Variants in AAK1 observed in about 807,000 individuals in gnomAD.
AAK1 encodes AP2-associated protein kinase 1.
A neutral mutation model predicts 116.0 loss-of-function variants in AAK1; 37 were observed. That is an observed-to-expected ratio of 0.32 (90% CI 0.25 to 0.42). AAK1 has a LOEUF of 0.42. Among genes scored for constraint, AAK1 ranks in the 10% least tolerant of loss-of-function variants. The probability of loss-of-function intolerance (pLI) is 1.00; values close to 1 mark genes in which losing one functional copy is unlikely to be tolerated. For missense variants in AAK1, 919 were observed against 1,170.6 expected (o/e 0.79, Z 3.14); for synonymous variants, 458 against 439.9 (o/e 1.04, Z -0.51).
intron 2 of AAK1, among the ~76,000 whole-genome samples, chr2:69,627,156 G>A (rs1318231176): frequency 2.6e-5 from 4 of 152,084 alleles, no homozygotes; most frequent in Non-Finnish European, 5.9e-5. Context: ...AGGCGTGGTG[G>A]CGGGCGCCTG....
chr2:69,587,420 T>TAC (rs934509484), intron 2 of AAK1, among the ~76,000 whole-genome samples: 1 of 151,248 alleles, frequency 6.6e-6, no homozygotes, highest in Non-Finnish European at 1.5e-5. Context: ...TGTGTATATA[T>TAC]ACACATATAT....
At position 69,471,884 on chromosome 2, in the gene AAK1, A is replaced by G. The variant is rs1674693939; in HGVS notation, c.*3985T>C. The G allele has an allele frequency of 2.0e-6, 2 of 985,130 alleles. No individual in the cohort carries two copies. The highest frequency in any genetic ancestry group is 2.4e-6 in the Non-Finnish European group (2 of 829,782). 61.0% of individuals were successfully genotyped at this position (985,130 alleles called of 1,614,324 possible). A position where few individuals can be genotyped will look rare whatever the true frequency, so the allele number is the denominator to read the frequency against. On this transcript the variant is annotated 3_prime_UTR_variant, in exon 22 of 22. Transcript: ENST00000409085. ...GGAGAGTAGGAAATAAGTAATCAAA[A>G]CAACCAAAAGTATTAATAATAAAAC...
intron 16 of AAK1, among the ~76,000 whole-genome samples, chr2:69,498,409 T>A (rs1675837580): frequency 6.6e-6 from 1 of 152,038 alleles, no homozygotes; most frequent in South Asian, 2.1e-4. Context: ...AGGAGGATGC[T>A]CTGGGGTCTA....
intron 6 of AAK1, chr2:69,531,491 A>G: frequency 1.3e-6 from 1 of 747,502 alleles, no homozygotes; most frequent in Non-Finnish European, 1.6e-6. Flanking sequence ...AACATTGTGG[A>G]CATGAGGAGA....
intron 10 of AAK1, among the ~76,000 whole-genome samples, chr2:69,524,105 T>C (rs1240415566): frequency 6.6e-6 from 1 of 152,248 alleles, no homozygotes; most frequent in Non-Finnish European, 1.5e-5. Flanking sequence ...GAGAGTCTTC[T>C]GCTGTTCACT....
chr2:69,624,493 GA>G (rs1366112641), intron 2 of AAK1, among the ~76,000 whole-genome samples: 1 of 152,126 alleles, frequency 6.6e-6, no homozygotes, highest in Non-Finnish European at 1.5e-5. Flanking sequence ...TCTTGAAGAA[GA>G]ATATAATATC....
chr2:69,547,749 T>C (rs1456834585), intron 3 of AAK1, among the ~76,000 whole-genome samples: 1 of 152,160 alleles, frequency 6.6e-6, no homozygotes, highest in Non-Finnish European at 1.5e-5. Context: ...ACCCAAGAGA[T>C]GTGAAAATAT....
intron 2 of AAK1, among the ~76,000 whole-genome samples, chr2:69,603,989 C>T (rs1429509401): frequency 2.0e-5 from 3 of 152,174 alleles, no homozygotes; most frequent in Non-Finnish European, 2.9e-5. Flanking sequence ...AGGAAGCATA[C>T]CCACTTCCAG....
Position 69,489,942 on chromosome 2 carries a change from T to C in AAK1, c.2365+6043A>G, listed in dbSNP as rs538636006. ...ACTTCTCAGTATCACGAGACAGCAG[T>C]TGGAAATGAGGAAGAGGCCAGGCCA... On this transcript the variant is annotated intron_variant, in intron 17 of 21. Transcript: ENST00000409085. Among the ~76,000 whole-genome samples the C allele has an allele frequency of 3.9e-5, 6 of 152,226 alleles. No individual in the cohort carries two copies. The South Asian group carries it at 6.2e-4, about 16-fold the overall frequency.
At chr2:69,579,778 C>T (rs1027959546) in intron 2 of AAK1, among the ~76,000 whole-genome samples, 5 of 152,084 alleles carry the variant, frequency 3.3e-5, no homozygotes, top group East Asian at 3.9e-4. Context: ...CCTATAAATG[C>T]GCCCTGGTTG....
At chr2:69,505,465 C>A in intron 16 of AAK1, 104 bp downstream of exon 16, 4 of 751,960 alleles carry the variant, frequency 5.3e-6, no homozygotes, top group Non-Finnish European at 6.6e-6. Context: ...CACGGTACTG[C>A]CAGGATTTGG....
At chr2:69,573,523 G>A (rs567151557) in intron 2 of AAK1, among the ~76,000 whole-genome samples, 28 of 152,304 alleles carry the variant, frequency 1.8e-4, no homozygotes, top group African/African-American at 6.5e-4. Flanking sequence ...TAATCCATAA[G>A]CTGCATCGGC....
At chr2:69,586,903 G>C (rs1672789951) in intron 2 of AAK1, among the ~76,000 whole-genome samples, 1 of 152,086 alleles carries the variant, frequency 6.6e-6, no homozygotes, top group African/African-American at 2.4e-5. Flanking sequence ...CTGCACAGGT[G>C]AGCCTAATAG....
At chr2:69,629,612 T>C (rs1288250450) in intron 2 of AAK1, among the ~76,000 whole-genome samples, 1 of 152,238 alleles carries the variant, frequency 6.6e-6, no homozygotes, top group Non-Finnish European at 1.5e-5. Flanking sequence ...AGATCTATTA[T>C]ACGATTGGAA....
At chr2:69,545,984 C>A (rs1670908542) in intron 3 of AAK1, among the ~76,000 whole-genome samples, 2 of 151,818 alleles carry the variant, frequency 1.3e-5, no homozygotes, top group African/African-American at 4.8e-5. Flanking sequence ...GAGGAAGGAG[C>A]CAAGAGAAGA....
At chr2:69,586,581 G>T (rs10865378) in intron 2 of AAK1, among the ~76,000 whole-genome samples, 81,124 of 152,026 alleles carry the variant, frequency 0.53, 22,973 homozygotes, top group East Asian at 0.78. Flanking sequence ...TCTTTGCATT[G>T]TCTGAATCAC....
At chr2:69,534,159 A>C (rs1670367834) in intron 5 of AAK1, among the ~76,000 whole-genome samples, 1 of 152,230 alleles carries the variant, frequency 6.6e-6, no homozygotes, top group Non-Finnish European at 1.5e-5. Context: ...TCATAATCCC[A>C]ATATGATTAT....
At chr2:69,629,840 CAAAAT>C (rs889776361) in intron 2 of AAK1, among the ~76,000 whole-genome samples, 1 of 151,900 alleles carries the variant, frequency 6.6e-6, no homozygotes, top group African/African-American at 2.4e-5. Context: ...TAGATACAAA[CAAAAT>C]AAACAGTAAA....
At chr2:69,621,393 C>T (rs896830959) in intron 2 of AAK1, among the ~76,000 whole-genome samples, 2 of 151,864 alleles carry the variant, frequency 1.3e-5, no homozygotes, top group South Asian at 2.1e-4. Context: ...GCAGAAGAAT[C>T]GCTTGAAAAA....
Sources: gnomAD v4.1 joint callset for allele counts (sites outside exome capture counted in the v4.1 genomes callset) on GRCh38, gnomAD v4.1.1 for gene constraint, MANE v1.5 for transcripts, NCBI Gene and HGNC (gene_info 2026-07-23, HGNC 2026-07-21) for gene names.